The following DSCAM variants were observed in gnomAD, a reference collection of about 807,000 sequenced individuals.
DSCAM encodes DS cell adhesion molecule.
In DSCAM, 47 loss-of-function variants were observed where a neutral mutation model predicts 217.7. The observed-to-expected ratio is 0.22, with a 90% CI of 0.17 to 0.28. DSCAM has a LOEUF of 0.28. DSCAM is among the 10% of genes least tolerant of loss of function. The pLI is 1.00. For missense variants in DSCAM, 2,080 were observed against 2,618.3 expected (o/e 0.79, Z 4.49); for synonymous variants, 1,056 against 1,015.3 (o/e 1.04, Z -0.76).
chr21:40,800,711 CTTTCT>C (rs933787664), intron 1 of DSCAM, among the ~76,000 whole-genome samples: 4 of 134,452 alleles, frequency 3.0e-5, no homozygotes, highest in African/African-American at 1.2e-4. Context: ...TTCTTTCTTA[CTTTCT>C]TTTTTTTTTT....
intron 11 of DSCAM, among the ~76,000 whole-genome samples, chr21:40,273,499 C>T (rs1342814105): frequency 2.0e-5 from 3 of 152,186 alleles, no homozygotes; most frequent in Non-Finnish European, 4.4e-5. Context: ...TTACTCTTGC[C>T]TGGAGTCTTT....
At chr21:40,564,337 T>C (rs910392264) in intron 3 of DSCAM, among the ~76,000 whole-genome samples, 7 of 152,146 alleles carry the variant, frequency 4.6e-5, no homozygotes, top group African/African-American at 1.2e-4. Context: ...AATGGTACGT[T>C]TGTCCCTTCC....
At chr21:40,096,331 T>C (rs1258360605) in intron 20 of DSCAM, among the ~76,000 whole-genome samples, 1 of 152,084 alleles carries the variant, frequency 6.6e-6, no homozygotes, top group Non-Finnish European at 1.5e-5. Flanking sequence ...CTAAAATGCA[T>C]AAAACCAAGC....
At chr21:40,296,274 T>A in intron 9 of DSCAM, 100 bp from the exon 10 acceptor site, 1 of 1,362,424 alleles carries the variant, frequency 7.3e-7, no homozygotes, top group Non-Finnish European at 1.0e-6. Flanking sequence ...TATTAAAATA[T>A]GAAGACTGTT....
At chr21:40,640,749 C>T (rs946111369) in intron 3 of DSCAM, among the ~76,000 whole-genome samples, 1 of 151,918 alleles carries the variant, frequency 6.6e-6, no homozygotes, top group African/African-American at 2.4e-5. Flanking sequence ...GGATAAGTAT[C>T]CAAAGTTTAC....
At chr21:40,133,792 G>T in intron 19 of DSCAM, 62 bp downstream of exon 19, 1 of 1,526,124 alleles carries the variant, frequency 6.6e-7, no homozygotes. Context: ...AAAGGCAAGT[G>T]AGCTCTCTGT....
chr21:40,520,842 G>A (rs1568874016), intron 3 of DSCAM, among the ~76,000 whole-genome samples: 4 of 152,118 alleles, frequency 2.6e-5, no homozygotes, highest in Admixed American at 2.6e-4. Context: ...AATATATGTA[G>A]TGTGATGTAG....
rs1293990384 is a variant in DSCAM at position 40,013,383 on chromosome 21, T to C, written c.5690A>G (p.Asp1897Gly). The change falls in exon 33 of 33, where the codon GAC becomes GGC. Residue 1897 changes from aspartate (D) to glycine (G), a missense_variant. Physicochemically the swap from Asp to Gly is moderately conservative, Grantham distance 94. Transcript: ENST00000400454. ...AAGGTATGGAGGCAAATGTATGAGG[T>C]CACCTAGAAGGAAAGACAGGGTAGT... ...MAVPKAHRPGDLIHLPPYLRM... is the reference protein window; with the variant it reads ...MAVPKAHRPGGLIHLPPYLRM... 2 of 1,546,036 alleles carry C rather than the reference T, an allele frequency of 1.3e-6. No homozygotes were observed.
rs540291758 is a variant in DSCAM, at chr21:40,246,618, G to A, written c.2356+29479C>T. On this transcript the variant is annotated intron_variant, in intron 11 of 32. Coordinates refer to ENST00000400454, the MANE Select transcript of DSCAM (RefSeq NM_001389.5). ...GTGCACTACTCATGACTAACACGGT[G>A]AAGAAGTATCCAACAGCAATGAAGG... 5.9e-5 allele frequency among the ~76,000 whole-genome samples: 9 copies of A among 152,150 alleles called. 1 individual carries two copies. The South Asian group carries it at 1.9e-3, about 32-fold the overall frequency.
At chr21:40,541,851 AT>A (rs754705490) in intron 3 of DSCAM, among the ~76,000 whole-genome samples, 6 of 152,222 alleles carry the variant, frequency 3.9e-5, no homozygotes, top group Non-Finnish European at 8.8e-5. Context: ...GAAGACAAGT[AT>A]TTGGAATAAA....
chr21:40,176,994 C>T (rs576580341), intron 15 of DSCAM, among the ~76,000 whole-genome samples: 2 of 152,266 alleles, frequency 1.3e-5, no homozygotes, highest in South Asian at 2.1e-4. Context: ...AATGCACCAC[C>T]GGAAAAATGC....
At chr21:40,465,214 AC>A (rs2075834981) in intron 3 of DSCAM, among the ~76,000 whole-genome samples, 1 of 151,894 alleles carries the variant, frequency 6.6e-6, no homozygotes, top group African/African-American at 2.4e-5. Context: ...CTATCCTTCT[AC>A]TACTTGGCTT....
intron 3 of DSCAM, among the ~76,000 whole-genome samples, chr21:40,508,772 TATATATATA>T (rs2076233971): frequency 1.6e-4 from 1 of 6,348 alleles, no homozygotes; most frequent in Admixed American, 2.7e-3. Flanking sequence ...TATATATATA[TATATATATA>T]TATTTTTTTT....
intron 3 of DSCAM, among the ~76,000 whole-genome samples, chr21:40,658,456 T>C (rs1216873367): frequency 1.3e-5 from 2 of 152,206 alleles, no homozygotes; most frequent in African/African-American, 4.8e-5. Context: ...ATGTTGAAAC[T>C]GAGCCAAACT....
chr21:40,496,195 T>C (rs894771369), intron 3 of DSCAM, among the ~76,000 whole-genome samples: 2 of 152,000 alleles, frequency 1.3e-5, no homozygotes, highest in African/African-American at 2.4e-5. Flanking sequence ...TGAAACCCCA[T>C]AAGACCCCCA....
chr21:40,772,666 C>T (rs958958443), intron 1 of DSCAM, among the ~76,000 whole-genome samples: 1 of 152,196 alleles, frequency 6.6e-6, no homozygotes, highest in African/African-American at 2.4e-5. Flanking sequence ...TTCCCTCTTC[C>T]TCTCTGTATC....
chr21:40,445,554 C>T (rs1394051607), intron 3 of DSCAM, among the ~76,000 whole-genome samples: 1 of 152,130 alleles, frequency 6.6e-6, no homozygotes, highest in Non-Finnish European at 1.5e-5. Flanking sequence ...ATTTCATATG[C>T]CTCCCTTGCC....
At chr21:40,123,610 T>C (rs1444551940) in intron 20 of DSCAM, among the ~76,000 whole-genome samples, 1 of 152,200 alleles carries the variant, frequency 6.6e-6, no homozygotes, top group Non-Finnish European at 1.5e-5. Context: ...CACTTTGAAA[T>C]AGTAAATAAC....
chr21:40,392,306 C>T (rs1344839664), intron 3 of DSCAM, among the ~76,000 whole-genome samples: 1 of 152,030 alleles, frequency 6.6e-6, no homozygotes, highest in Non-Finnish European at 1.5e-5. Flanking sequence ...TAAAGATAAA[C>T]AGTGTTTGAT....
Sources: allele counts gnomAD v4.1 joint callset (sites outside exome capture counted in the v4.1 genomes callset), GRCh38; gene constraint gnomAD v4.1.1; transcripts MANE v1.5; gene names NCBI Gene and HGNC (gene_info 2026-07-23, HGNC 2026-07-21).